Variants in SPTBN1 observed in about 807,000 individuals in gnomAD.
SPTBN1 encodes the protein spectrin beta, non-erythrocytic 1, also known as spectrin beta chain, non-erythrocytic 1.
A neutral mutation model predicts 266.4 loss-of-function variants in SPTBN1; 32 were observed. That is an observed-to-expected ratio of 0.12 (90% CI 0.09 to 0.16). The LOEUF (loss-of-function observed/expected upper bound fraction) is 0.16, where lower values mean the gene tolerates loss of function less well. Ranked by LOEUF, SPTBN1 falls within the 10% of genes least tolerant of loss-of-function variation. The pLI is 1.00. For missense variants in SPTBN1, 2,296 were observed against 3,067.1 expected (o/e 0.75, Z 5.94); for synonymous variants, 1,336 against 1,162.2 (o/e 1.15, Z -3.04).
chr2:54,475,500 A>G (rs1472857812), intron 1 of SPTBN1, among the ~76,000 whole-genome samples: 3 of 152,108 alleles, frequency 2.0e-5, no homozygotes, highest in African/African-American at 7.2e-5. Flanking sequence ...TTTTGGTGGC[A>G]TGTTGGACTA....
intron 1 of SPTBN1, among the ~76,000 whole-genome samples, chr2:54,499,375 AAAT>A (rs1379860293): frequency 6.6e-6 from 1 of 152,200 alleles, no homozygotes; most frequent in Non-Finnish European, 1.5e-5. Flanking sequence ...AAGCCTTAAA[AAAT>A]AAATATTTCA....
chr2:54,553,257 C>T (rs1360267015), intron 2 of SPTBN1, among the ~76,000 whole-genome samples: 1 of 151,950 alleles, frequency 6.6e-6, no homozygotes, highest in Non-Finnish European at 1.5e-5. Flanking sequence ...GAGTGGGAGG[C>T]TCTTTGGGAG....
chr2:54,481,388 C>CTGTG (rs1668088628), intron 1 of SPTBN1, among the ~76,000 whole-genome samples: 1 of 116,352 alleles, frequency 8.6e-6, no homozygotes, highest in Admixed American at 8.8e-5. Flanking sequence ...CTGCAGAAAC[C>CTGTG]TGAGTGTGTG....
chr2:54,473,312 GA>G (rs751987193), intron 1 of SPTBN1, among the ~76,000 whole-genome samples: 12 of 152,140 alleles, frequency 7.9e-5, no homozygotes, highest in Non-Finnish European at 1.8e-4. Flanking sequence ...TTATAACATA[GA>G]AAAATATTTC....
chr2:54,602,305 A>G (rs1558416979), intron 3 of SPTBN1, among the ~76,000 whole-genome samples: 1 of 152,208 alleles, frequency 6.6e-6, no homozygotes, highest in Non-Finnish European at 1.5e-5. Context: ...AATTAGACCT[A>G]GATCTCAGGA....
chr2:54,590,842 G>A (rs1675627511), intron 2 of SPTBN1, among the ~76,000 whole-genome samples: 1 of 152,194 alleles, frequency 6.6e-6, no homozygotes, highest in Admixed American at 6.5e-5. Context: ...TCAGAGATTT[G>A]GACTGTCTTC....
chr2:54,526,524 T>G lies in SPTBN1; in HGVS notation c.106T>G (p.Ser36Ala). 6.2e-7 allele frequency: 1 copy of G among 1,614,170 alleles called. No homozygotes were observed. Residue 36 changes from serine (S) to alanine (A), a missense_variant, in exon 2 of 36, where the codon TCT becomes GCT. This residue lies in a region of SPTBN1 where 178 missense variants were observed against 375.7 expected (regional missense o/e 0.47). Coordinates refer to ENST00000356805, the MANE Select transcript of SPTBN1 (RefSeq NM_003128.3). ...CGACGACTGGGACAATGAGAACAGC[T>G]CTGCGCGGCTTTTTGAGCGGTCCCG... is the stretch of plus-strand genomic sequence containing the variant. ...DVDDWDNENS[S>A]ARLFERSRIK...
intron 2 of SPTBN1, among the ~76,000 whole-genome samples, chr2:54,594,901 C>A (rs1675963223): frequency 7.5e-6 from 1 of 133,948 alleles, no homozygotes; most frequent in African/African-American, 3.0e-5. Flanking sequence ...ATGGCACAAT[C>A]TCGGCTCACT....
chr2:54,566,463 T>G (rs1005311636), intron 2 of SPTBN1, among the ~76,000 whole-genome samples: 1 of 152,162 alleles, frequency 6.6e-6, no homozygotes, highest in Non-Finnish European at 1.5e-5. Context: ...CCTGGAATTA[T>G]AAGCGTGAGC....
chr2:54,641,430 T>G (rs1679550197), intron 18 of SPTBN1, among the ~76,000 whole-genome samples: 2 of 152,258 alleles, frequency 1.3e-5, no homozygotes, highest in Non-Finnish European at 2.9e-5. Context: ...GGAAAAATTT[T>G]GTCATTAAGT....
At chr2:54,611,511 A>G (rs75643471) in intron 3 of SPTBN1, among the ~76,000 whole-genome samples, 5,898 of 152,176 alleles carry the variant, frequency 0.039, 145 homozygotes, top group Admixed American at 0.086. Context: ...TTTATTTAAA[A>G]TGTTCACCTT....
At chr2:54,635,059 T>G (rs915378473) in intron 17 of SPTBN1, among the ~76,000 whole-genome samples, 4 of 152,236 alleles carry the variant, frequency 2.6e-5, no homozygotes, top group Non-Finnish European at 5.9e-5. Context: ...CTCAGGCACC[T>G]GGGGTTCTTG....
intron 2 of SPTBN1, among the ~76,000 whole-genome samples, chr2:54,532,204 G>T (rs986102674): frequency 6.6e-6 from 1 of 152,090 alleles, no homozygotes; most frequent in African/African-American, 2.4e-5. Flanking sequence ...CAGGAGAATC[G>T]GTTGAACCTG....
chr2:54,659,420 C>G (rs577894846), intron 31 of SPTBN1, among the ~76,000 whole-genome samples, 154 bp downstream of exon 31: 2 of 152,248 alleles, frequency 1.3e-5, no homozygotes, highest in African/African-American at 4.8e-5. Flanking sequence ...ACAGTTATCC[C>G]TAAATAACCT....
rs1239014970 is a variant in SPTBN1 at position 54,670,253 on chromosome 2, C to CAT, written c.*1686_*1687dup. ...AAGAGGTTAGGTTTGGCCCATGGGC[C>CAT]ATAGTTTGCTGACTTCAGCATAGAG... is the stretch of plus-strand genomic sequence containing the variant. On this transcript the variant is annotated 3_prime_UTR_variant, in exon 36 of 36. Coordinates refer to ENST00000356805, the MANE Select transcript of SPTBN1 (RefSeq NM_003128.3). 6.4e-6 allele frequency: 1 copy of CAT among 155,128 alleles called. No homozygotes were observed. Among genetic ancestry groups the CAT allele is most frequent in the Non-Finnish European group, 1.4e-5 (1 of 70,468 alleles). The allele number at this position is 155,128 out of a possible 1,614,324, so 9.6% of individuals were successfully genotyped here.
chr2:54,523,892 T>C (rs962370592), intron 1 of SPTBN1, among the ~76,000 whole-genome samples: 4 of 152,292 alleles, frequency 2.6e-5, no homozygotes, highest in South Asian at 2.1e-4. Flanking sequence ...TGACAATAAA[T>C]TTTTGAGTTT....
chr2:54,513,037 C>G (rs1669938202), intron 1 of SPTBN1, among the ~76,000 whole-genome samples: 1 of 152,092 alleles, frequency 6.6e-6, no homozygotes, highest in African/African-American at 2.4e-5. Flanking sequence ...ACAGAAGATA[C>G]AAAAATTAGC....
intron 18 of SPTBN1, among the ~76,000 whole-genome samples, chr2:54,638,690 C>A (rs566991362): frequency 2.0e-5 from 3 of 152,208 alleles, no homozygotes; most frequent in Non-Finnish European, 4.4e-5. Context: ...GAATAACAGA[C>A]TCAGCCCTCT....
chr2:54,551,837 T>C (rs1672582916), intron 2 of SPTBN1, among the ~76,000 whole-genome samples: 1 of 152,180 alleles, frequency 6.6e-6, no homozygotes, highest in Non-Finnish European at 1.5e-5. Flanking sequence ...TCTTTTTTTT[T>C]CTTGTTATTT....
Sources: allele counts gnomAD v4.1 joint callset (sites outside exome capture counted in the v4.1 genomes callset), GRCh38; gene constraint gnomAD v4.1.1; regional missense constraint gnomAD v4.1.1; transcripts MANE v1.5; gene names NCBI Gene and HGNC (gene_info 2026-07-23, HGNC 2026-07-21).